The following TAF2 variants were observed in gnomAD, a reference collection of about 807,000 sequenced individuals.
TAF2 encodes the protein transcription initiation factor TFIID subunit 2.
TAF2 carries 61 observed loss-of-function variants against 138.5 expected under a neutral mutation model. The observed-to-expected ratio is 0.44, with a 90% CI of 0.36 to 0.54. TAF2 has a LOEUF of 0.54. TAF2 is among the 20% of genes least tolerant of loss of function. The probability of loss-of-function intolerance (pLI) is 0.00; values close to 1 mark genes in which losing one functional copy is unlikely to be tolerated. For synonymous variants in TAF2, 475 were observed against 469.9 expected (o/e 1.01, Z -0.14); for missense variants, 1,090 against 1,427.9 (o/e 0.76, Z 3.81).
intron 2 of TAF2, among the ~76,000 whole-genome samples, chr8:119,820,246 G>A (rs1253673216): frequency 6.6e-6 from 1 of 152,108 alleles, no homozygotes; most frequent in African/African-American, 2.4e-5. Context: ...TTAATATCCT[G>A]GGTTGAAAAT....
intron 2 of TAF2, among the ~76,000 whole-genome samples, chr8:119,827,870 A>G (rs932396177): frequency 1.3e-5 from 2 of 151,978 alleles, no homozygotes; most frequent in African/African-American, 4.8e-5. Context: ...CAGCCTCCCA[A>G]GTAGCTGGGA....
intron 18 of TAF2, among the ~76,000 whole-genome samples, chr8:119,763,477 C>A (rs766633587): frequency 3.9e-5 from 6 of 152,162 alleles, no homozygotes; most frequent in Admixed American, 2.0e-4. Flanking sequence ...CGCCTGTAAT[C>A]CCAGCACTTT....
chr8:119,780,163 T>TA (rs1008726982), intron 17 of TAF2, among the ~76,000 whole-genome samples: 41 of 151,564 alleles, frequency 2.7e-4, no homozygotes, highest in Middle Eastern at 3.4e-3. Context: ...ATGAAATTAC[T>TA]AAAAAAAAAC....
chr8:119,782,664 C>A (rs1245637466), intron 16 of TAF2, among the ~76,000 whole-genome samples: 1 of 152,116 alleles, frequency 6.6e-6, no homozygotes, highest in Non-Finnish European at 1.5e-5. Context: ...GTTTTGTCTG[C>A]ATTTTTCTGA....
At chr8:119,766,117 C>G (rs144967312) in intron 18 of TAF2, among the ~76,000 whole-genome samples, 3 of 152,184 alleles carry the variant, frequency 2.0e-5, no homozygotes, top group Non-Finnish European at 4.4e-5. Context: ...CAAATAGATT[C>G]ATTTTTACAA....
rs551516524 is a variant in TAF2 at position 119,768,324 on chromosome 8, C to T, written c.2365-5716G>A. On this transcript the variant is annotated intron_variant, in intron 18 of 25. Transcript: ENST00000378164. ...TTTGCCTCGTCCAGTCCACTACCTC[C>T]GGCTTTGTACCCCTTTACCATGAAG... 5.7e-4 allele frequency among the ~76,000 whole-genome samples: 87 copies of T among 152,316 alleles called. 3 individuals are homozygous for T. Among genetic ancestry groups the T allele is most frequent in the East Asian group, 1.9e-3 (10 of 5,164 alleles).
intron 4 of TAF2, among the ~76,000 whole-genome samples, 173 bp downstream of exon 4, chr8:119,806,110 C>G (rs1372145124): frequency 6.6e-6 from 1 of 152,072 alleles, no homozygotes; most frequent in Non-Finnish European, 1.5e-5. Flanking sequence ...CCATGTTGGC[C>G]AGGCTGGTCT....
In TAF2 at chr8:119,753,495, T is replaced by C. The variant is rs373964037; in HGVS notation, c.2878+2511A>G. On this transcript the variant is annotated intron_variant, in intron 22 of 25. Coordinates refer to ENST00000378164, the MANE Select transcript of TAF2 (RefSeq NM_003184.4). ...CAATTATTCATGCCACTCCCATTGT[T>C]CATATTGTTCTCATTTATTTATAAA... Among the ~76,000 whole-genome samples, 17 of 152,332 alleles carry C rather than the reference T, an allele frequency of 1.1e-4. 1 individual carries two copies. In the South Asian group the frequency reaches 3.3e-3, roughly 30 times the overall value.
intron 17 of TAF2, among the ~76,000 whole-genome samples, chr8:119,780,577 G>A (rs76981181): frequency 0.03 from 4,530 of 152,262 alleles, 100 homozygotes; most frequent in Non-Finnish European, 0.048. Context: ...TGTGGCCAAT[G>A]AGTTACTTGC....
At chr8:119,796,784 T>G (rs775189614) in intron 8 of TAF2, among the ~76,000 whole-genome samples, 3 of 152,054 alleles carry the variant, frequency 2.0e-5, no homozygotes, top group Non-Finnish European at 2.9e-5. Context: ...CTAATTTAAT[T>G]AACTAATAAA....
intron 24 of TAF2, 24 bp downstream of exon 24, chr8:119,744,264 A>G (rs778386152): frequency 1.9e-6 from 3 of 1,593,666 alleles, no homozygotes; most frequent in Non-Finnish European, 2.6e-6. Flanking sequence ...CATCTCCTCA[A>G]TGATTGCAGA....
chr8:119,760,760 T>A (rs750727277), intron 19 of TAF2, 22 bp from the exon 20 acceptor site: 45 of 1,613,400 alleles, frequency 2.8e-5, no homozygotes, highest in Non-Finnish European at 3.5e-5. Flanking sequence ...AATACGTATG[T>A]TAACTACTTT....
At position 119,742,710 on chromosome 8, in the gene TAF2, GAAAAAAAAAGGCTGACA is replaced by G. The variant is rs1169834965; in HGVS notation, c.3215-71_3215-55del. ...GGATTTATTTCTTTGTTTCCCAAAA[GAAAAAAAAAGGCTGACA>G]GGTTTTTATAAGCTAGCCTTAAAGA... On this transcript the variant is annotated intron_variant, in intron 24 of 25. Coordinates refer to ENST00000378164, the MANE Select transcript of TAF2 (RefSeq NM_003184.4). The G allele has an allele frequency of 1.9e-6, 3 of 1,562,164 alleles. No individual in the cohort carries two copies. In the Admixed American group the frequency reaches 5.7e-5, roughly 30 times the overall value.
At chr8:119,793,722 A>G (rs997684174) in intron 9 of TAF2, among the ~76,000 whole-genome samples, 1 of 152,132 alleles carries the variant, frequency 6.6e-6, no homozygotes, top group Non-Finnish European at 1.5e-5. Context: ...GCTGTTCTCA[A>G]TCTCTCTGAG....
At chr8:119,818,596 A>C (rs531915867) in intron 3 of TAF2, among the ~76,000 whole-genome samples, 1 of 152,330 alleles carries the variant, frequency 6.6e-6, no homozygotes, top group South Asian at 2.1e-4. Flanking sequence ...AAGGGAAAAA[A>C]ATTTGTATGT....
chr8:119,781,097 TCA>T lies in TAF2; in HGVS notation c.2207_2208del (p.Val736GlufsTer29). 2 of 1,613,998 alleles carry T rather than the reference TCA, an allele frequency of 1.2e-6. No homozygotes were observed. Among genetic ancestry groups the T allele is most frequent in the Non-Finnish European group, 1.7e-6 (2 of 1,180,016 alleles). ...MFCCKSCPNIVKTNNFMSFQS... is the reference protein window; with the variant it reads ...MFCCKSCPNIXKTNNFMSFQS... Reference sequence around the variant, plus strand: ...TGAAAGCTCATAAAGTTGTTTGTTTTCACAATGTTTGGACAACTTTTACAACA... The same window carrying T: ...TGAAAGCTCATAAAGTTGTTTGTTTTCAATGTTTGGACAACTTTTACAACA... On this transcript the variant is annotated frameshift_variant, in exon 17 of 26. Transcript: ENST00000378164. LOFTEE classifies it high-confidence loss of function.
rs570090033 is a variant in TAF2 at position 119,810,018 on chromosome 8, C to T, written c.300-3617G>A. Among the ~76,000 whole-genome samples the T allele has an allele frequency of 7.9e-3, 469 of 59,074 alleles. 1 individual carries two copies. Among genetic ancestry groups the T allele is most frequent in the Non-Finnish European group, 0.012 (322 of 26,666 alleles). 38.8% of individuals were successfully genotyped at this position (59,074 alleles called of 152,430 possible). On this transcript the variant is annotated intron_variant, in intron 3 of 25. Coordinates refer to ENST00000378164, the MANE Select transcript of TAF2 (RefSeq NM_003184.4). ...ATTTGTAAAAAAAAAAAAAAAAAAA[C>T]AGTATCTGCGAGGCACAACAGAGCA...
In TAF2 at chr8:119,790,473, A is replaced by G. The variant is rs1203676025; in HGVS notation, c.1414-727T>C. Among the ~76,000 whole-genome samples the G allele has an allele frequency of 2.0e-5, 3 of 152,100 alleles. No homozygotes were observed. The East Asian group carries it at 5.8e-4, about 29-fold the overall frequency. ...AACAAACCAAAAAAAGGCAAGGTGA[A>G]GGACAGAAAGATTAAAGAAACTGAA... On this transcript the variant is annotated intron_variant, in intron 11 of 25. Coordinates refer to ENST00000378164, the MANE Select transcript of TAF2 (RefSeq NM_003184.4).
intron 15 of TAF2, among the ~76,000 whole-genome samples, chr8:119,784,002 GT>G (rs1822850593): frequency 6.6e-6 from 1 of 152,134 alleles, no homozygotes; most frequent in African/African-American, 2.4e-5. Flanking sequence ...TTCTTAATTT[GT>G]TTAGCTGACT....
Sources: gnomAD v4.1 joint callset for allele counts (sites outside exome capture counted in the v4.1 genomes callset) on GRCh38, gnomAD v4.1.1 for gene constraint, MANE v1.5 for transcripts, NCBI Gene and HGNC (gene_info 2026-07-23, HGNC 2026-07-21) for gene names.